The following SPEG variants were observed in gnomAD, a reference collection of about 807,000 sequenced individuals.
SPEG encodes the protein striated muscle enriched protein kinase, also known as striated muscle preferentially expressed protein kinase.
In SPEG, 114 loss-of-function variants were observed where a neutral mutation model predicts 300.4. The observed-to-expected ratio is 0.38, with a 90% CI of 0.33 to 0.44. SPEG has a LOEUF of 0.44. Ranked by LOEUF, SPEG falls within the 20% of genes least tolerant of loss-of-function variation. The pLI, the probability that SPEG is intolerant of heterozygous loss-of-function variation, is 1.00. For synonymous variants in SPEG, 1,964 were observed against 2,018.9 expected (o/e 0.97, Z 0.73); for missense variants, 4,201 against 4,586.2 (o/e 0.92, Z 2.43).
At chr2:219,469,769 A>G (rs1429809101) in intron 13 of SPEG, among the ~76,000 whole-genome samples, 1 of 152,152 alleles carries the variant, frequency 6.6e-6, no homozygotes, top group Non-Finnish European at 1.5e-5. Flanking sequence ...AGCAGCTGGG[A>G]GGTGTGAAGT....
At chr2:219,468,140 C>T (rs914133876) in intron 10 of SPEG, among the ~76,000 whole-genome samples, 1 of 152,182 alleles carries the variant, frequency 6.6e-6, no homozygotes, top group Non-Finnish European at 1.5e-5. Context: ...TAGGTGGGGC[C>T]AAGGGGCATC....
rs1396100397 is a variant in SPEG, at chr2:219,477,006, C to G, written c.4560+24C>G. ...AGGTCAGAGTGTGCTGCTGGCTGAG[C>G]CTGGGGGAGGGAGGAGGGGCTCCCT... is the stretch of plus-strand genomic sequence containing the variant. On this transcript the variant is annotated intron_variant, in intron 19 of 40. Transcript: ENST00000312358. This position sits in a 1 kb window ranked among gnomAD's most constrained non-coding sequence, Gnocchi z 6.4. 6.4e-7 allele frequency: 1 copy of G among 1,573,384 alleles called. No homozygotes were observed.
intron 9 of SPEG, chr2:219,465,981 G>T: frequency 8.2e-7 from 1 of 1,221,146 alleles, no homozygotes. Context: ...GTGTGTGCAT[G>T]TGTGTGTGTG....
At position 219,462,041 on chromosome 2, in the gene SPEG, C is replaced by T. The variant is rs774322933; in HGVS notation, c.2600C>T (p.Ala867Val). 6.2e-7 allele frequency: 1 copy of T among 1,605,474 alleles called. No homozygotes were observed. ...CGTTCTTCTGACACTGGCTCCAAGG[C>T]ACCCCCCACCTTCAAGGTCAGACCC... is the stretch of plus-strand genomic sequence containing the variant. ...NRRSSDTGSK[A>V]PPTFKVSLMD... Residue 867 changes from alanine to valine, a missense_variant, in exon 7 of 41, where the codon GCA becomes GTA. Ala to Val is a moderately conservative substitution (Grantham distance 64). This residue lies in a region of SPEG where 1,258 missense variants were observed against 1,293.9 expected (regional missense o/e 0.97). Coordinates refer to ENST00000312358, the MANE Select transcript of SPEG (RefSeq NM_005876.5).
intron 38 of SPEG, among the ~76,000 whole-genome samples, chr2:219,491,576 T>C (rs1208080583): frequency 6.6e-6 from 1 of 152,160 alleles, no homozygotes; most frequent in African/African-American, 2.4e-5. Flanking sequence ...GACCCCGCCA[T>C]TTTGTGCCTG....
Position 219,493,343 on chromosome 2 carries a change from G to T in SPEG, c.*557G>T. The stretch of plus-strand genomic sequence containing the variant: ...TGGAGGTGGGGTGGGTCAGCTGTCA[G>T]CATCCCTCAGAGGAGAAATGTGGAG... On this transcript the variant is annotated 3_prime_UTR_variant, in exon 41 of 41. Coordinates refer to ENST00000312358, the MANE Select transcript of SPEG (RefSeq NM_005876.5). The T allele has an allele frequency of 2.8e-6, 1 of 357,114 alleles. No homozygotes were observed. The highest frequency in any genetic ancestry group is 2.1e-5 in the South Asian group (1 of 47,798). The allele number at this position is 357,114 out of a possible 1,614,324, so 22.1% of individuals were successfully genotyped here. A position where few individuals can be genotyped will look rare whatever the true frequency, so the allele number is the denominator to read the frequency against.
In SPEG at chr2:219,458,526, G is replaced by A. The variant is rs1232190415; in HGVS notation, c.2441-3356G>A. ...CTCTATGGTCTAAGGAGCCCTCCAGGTGATTCCGATGCACAGAAAACCTTG... is the reference window on the plus strand; with the variant it reads ...CTCTATGGTCTAAGGAGCCCTCCAGATGATTCCGATGCACAGAAAACCTTG... On this transcript the variant is annotated intron_variant, in intron 6 of 40. Transcript: ENST00000312358. This position sits in a 1 kb window ranked among gnomAD's most constrained non-coding sequence, Gnocchi z 4.2. 6.6e-6 allele frequency among the ~76,000 whole-genome samples: 1 copy of A among 152,192 alleles called. No individual in the cohort carries two copies. The highest frequency in any genetic ancestry group is 1.5e-5 in the Non-Finnish European group (1 of 68,050).
In SPEG at chr2:219,492,583, C is replaced by G; in HGVS notation, c.9612-11C>G. ...CCTTCCAGGTTCATCATCCCTGGCT[C>G]TGCCTGGCAGGAGCCGGCCCTCCCT... On this transcript the variant is annotated splice_polypyrimidine_tract_variant and intron_variant, in intron 40 of 40. Coordinates refer to ENST00000312358, the MANE Select transcript of SPEG (RefSeq NM_005876.5). 6.2e-7 allele frequency: 1 copy of G among 1,606,422 alleles called. No individual in the cohort carries two copies. The highest frequency in any genetic ancestry group is 2.2e-5 in the East Asian group (1 of 44,878).
Position 219,478,066 on chromosome 2 carries a change from C to G in SPEG, c.4988C>G (p.Ala1663Gly). The G allele has an allele frequency of 6.2e-7, 1 of 1,614,208 alleles. No individual in the cohort carries two copies. The highest frequency in any genetic ancestry group is 8.5e-7 in the Non-Finnish European group (1 of 1,180,038). Residue 1663 changes from alanine to glycine, a missense_variant, in exon 22 of 41, where the codon GCC becomes GGC. By Grantham distance (60) the Ala-to-Gly change is moderately conservative. Around this residue, in one of 4 missense-constraint regions of SPEG, gnomAD observed 1,047 missense variants for 1,356.8 expected, o/e 0.77. Coordinates refer to ENST00000312358, the MANE Select transcript of SPEG (RefSeq NM_005876.5). ...QHDCVLYFHE[A>G]FERRRGLVIV... ...GACTGTGTCCTCTACTTCCATGAGGCCTTCGAGAGGCGCCGGGGACTGGTC... is the reference window on the plus strand; with the variant it reads ...GACTGTGTCCTCTACTTCCATGAGGGCTTCGAGAGGCGCCGGGGACTGGTC...
intron 1 of SPEG, chr2:219,442,194 G>A: frequency 1.5e-6 from 1 of 688,198 alleles, no homozygotes; most frequent in Non-Finnish European, 2.0e-6. Flanking sequence ...CTGGATCGGC[G>A]CCTGCCCCAC....
chr2:219,455,054 A>G (rs1223926790), intron 6 of SPEG, among the ~76,000 whole-genome samples: 1 of 152,238 alleles, frequency 6.6e-6, no homozygotes, highest in African/African-American at 2.4e-5. Flanking sequence ...AGATCGTGCC[A>G]CTGCACTCCA....
In SPEG at chr2:219,481,739, C is replaced by T; in HGVS notation, c.5565+59C>T. 6.7e-6 allele frequency: 10 copies of T among 1,491,984 alleles called. No homozygotes were observed. Among genetic ancestry groups the T allele is most frequent in the Non-Finnish European group, 7.5e-6 (8 of 1,069,422 alleles). 92.4% of individuals were successfully genotyped at this position (1,491,984 alleles called of 1,614,324 possible). A position where few individuals can be genotyped will look rare whatever the true frequency, so the allele number is the denominator to read the frequency against. On this transcript the variant is annotated intron_variant, in intron 28 of 40. Transcript: ENST00000312358. The surrounding 1 kb of genome is among the most constrained non-coding windows in gnomAD (Gnocchi z 5.4). ...GTGGAGGGAGAGAGAATGTTACTAA[C>T]AGCTCTATTTATTGAGTACCTACTG...
At position 219,448,601 on chromosome 2, in the gene SPEG, G is replaced by A; in HGVS notation, c.1443G>A (p.Thr481=). The change falls in exon 4 of 41, where the codon ACG becomes ACA. Residue 481 remains threonine (T), a synonymous_variant. Transcript: ENST00000312358. ...QQKAASLDER[T]RQRSPASDLE... ...AAGCGGCCTCGCTGGACGAGCGCAC[G>A]CGTCAGCGCAGCCCGGCCTCAGACC... The A allele has an allele frequency of 6.8e-7, 1 of 1,460,282 alleles. No individual in the cohort carries two copies. Among genetic ancestry groups the A allele is most frequent in the Non-Finnish European group, 9.0e-7 (1 of 1,113,640 alleles). The allele number at this position is 1,460,282 out of a possible 1,614,324, so 90.5% of individuals were successfully genotyped here. A position where few individuals can be genotyped will look rare whatever the true frequency, so the allele number is the denominator to read the frequency against.
chr2:219,435,768 T>C (rs1954703141), intron 1 of SPEG, among the ~76,000 whole-genome samples: 1 of 152,198 alleles, frequency 6.6e-6, no homozygotes, highest in African/African-American at 2.4e-5. Flanking sequence ...GGAGTCCATG[T>C]CCGAAGGAGG....
At chr2:219,453,059 C>T (rs566105829) in intron 6 of SPEG, among the ~76,000 whole-genome samples, 9 of 152,372 alleles carry the variant, frequency 5.9e-5, no homozygotes, top group African/African-American at 2.2e-4. Flanking sequence ...CCACCACATG[C>T]TTCTGTCCTT....
At chr2:219,466,201 C>T (rs868161845) in intron 9 of SPEG, 1 of 1,469,910 alleles carries the variant, frequency 6.8e-7, no homozygotes, top group African/African-American at 1.4e-5. Flanking sequence ...TCCCAGCCTC[C>T]CCTCCCCACC....
In SPEG at chr2:219,468,630, G is replaced by A. The variant is rs181367060; in HGVS notation, c.3195G>A (p.Leu1065=). The A allele has an allele frequency of 6.2e-7, 1 of 1,613,980 alleles. No individual in the cohort carries two copies. Among genetic ancestry groups the A allele is most frequent in the Non-Finnish European group, 8.5e-7 (1 of 1,180,004 alleles). The change falls in exon 11 of 41, where the codon CTG becomes CTA. Residue 1065 remains leucine (L), a synonymous_variant. Coordinates refer to ENST00000312358, the MANE Select transcript of SPEG (RefSeq NM_005876.5). ...CCGTGCGGCCCTCGTTGGCACCCCT[G>A]TTCACACGGCTGCTGGAAGATGTGG... ...RLTVRPSLAP[L]FTRLLEDVEV...
chr2:219,481,968 A>G lies in SPEG; in HGVS notation c.5565+288A>G, dbSNP rs1012653094. On this transcript the variant is annotated intron_variant, in intron 28 of 40. Transcript: ENST00000312358. This position sits in a 1 kb window ranked among gnomAD's most constrained non-coding sequence, Gnocchi z 5.4. ...GGCGTCCTCAGTGGAGTTCTCCCCC[A>G]TGCTTGAGACCAGACCCTGGTCTTC... The G allele has an allele frequency of 9.0e-6, 5 of 552,564 alleles. No individual in the cohort carries two copies. The highest frequency in any genetic ancestry group is 1.6e-5 in the Non-Finnish European group (5 of 307,102). The allele number at this position is 552,564 out of a possible 1,614,324, so 34.2% of individuals were successfully genotyped here. A position where few individuals can be genotyped will look rare whatever the true frequency, so the allele number is the denominator to read the frequency against.
chr2:219,465,814 C>T (rs1002774017), intron 9 of SPEG: 174 of 597,402 alleles, frequency 2.9e-4, no homozygotes, highest in Non-Finnish European at 3.4e-4. Context: ...TGCATGTGTG[C>T]GTGTGCGTGC....
Sources: gnomAD v4.1 joint callset for allele counts (sites outside exome capture counted in the v4.1 genomes callset) on GRCh38, gnomAD v4.1.1 for gene constraint, gnomAD v4.1.1 regional missense constraint, Gnocchi (gnomAD v3.1) non-coding constraint, MANE v1.5 for transcripts, NCBI Gene and HGNC (gene_info 2026-07-23, HGNC 2026-07-21) for gene names.